RANBP2: variants seen among roughly 807,000 people sequenced by gnomAD.
RANBP2 encodes the protein E3 SUMO-protein ligase RanBP2.
RANBP2 carries 57 observed loss-of-function variants against 303.6 expected under a neutral mutation model. The ratio of observed to expected loss-of-function variants is 0.19; its 90% CI spans 0.15 to 0.23. The LOEUF (loss-of-function observed/expected upper bound fraction) is 0.23, where lower values mean the gene tolerates loss of function less well. Ranked by LOEUF, RANBP2 falls within the 10% of genes least tolerant of loss-of-function variation. The pLI is 1.00. For missense variants in RANBP2, 3,138 were observed against 3,780.8 expected (o/e 0.83, Z 4.46); for synonymous variants, 1,167 against 1,301.5 (o/e 0.90, Z 2.23).
chr2:109,323,793 T>C, the RANBP2 span, among the ~76,000 whole-genome samples: 1 of 152,242 alleles, frequency 6.6e-6, no homozygotes, highest in East Asian at 1.9e-4. Context: ...ATTTTTGTTA[T>C]TTTAGGTCTC....
the RANBP2 span, among the ~76,000 whole-genome samples, chr2:108,793,628 G>A: frequency 1.3e-5 from 2 of 149,368 alleles, no homozygotes; most frequent in Non-Finnish European, 3.0e-5. Flanking sequence ...ATGGAGTCTC[G>A]CTCTGTCGCC....
At chr2:109,195,802 C>T in the RANBP2 span, among the ~76,000 whole-genome samples, 1 of 152,200 alleles carries the variant, frequency 6.6e-6, no homozygotes, top group Non-Finnish European at 1.5e-5. Context: ...AGAATCTCCC[C>T]TCTACTTTTA....
At chr2:108,739,035 A>G (rs1404538282) in intron 6 of RANBP2, among the ~76,000 whole-genome samples, 4 of 152,192 alleles carry the variant, frequency 2.6e-5, no homozygotes, top group African/African-American at 9.7e-5. Context: ...TGTCTCGCTT[A>G]ATAGAACATA....
At chr2:109,066,096 C>A in the RANBP2 span, among the ~76,000 whole-genome samples, 3 of 151,922 alleles carry the variant, frequency 2.0e-5, no homozygotes, top group Non-Finnish European at 4.4e-5. Flanking sequence ...CGCCACCATG[C>A]CCGGCTAATT....
At chr2:109,382,224 G>A in the RANBP2 span, among the ~76,000 whole-genome samples, 1 of 152,154 alleles carries the variant, frequency 6.6e-6, no homozygotes, top group East Asian at 1.9e-4. Flanking sequence ...TACCATGCCA[G>A]CACATAGGTA....
the RANBP2 span, among the ~76,000 whole-genome samples, chr2:109,009,269 G>A: frequency 6.6e-6 from 1 of 152,074 alleles, no homozygotes; most frequent in Non-Finnish European, 1.5e-5. Context: ...CAACCCAGGA[G>A]GCAGAGCTTG....
At chr2:109,218,666 A>G in the RANBP2 span, among the ~76,000 whole-genome samples, 1 of 152,210 alleles carries the variant, frequency 6.6e-6, no homozygotes, top group African/African-American at 2.4e-5. Context: ...CCTGCCGGCC[A>G]GCAGGAGTGA....
the RANBP2 span, chr2:109,449,405 G>A: frequency 3.7e-6 from 6 of 1,613,518 alleles, no homozygotes; most frequent in Non-Finnish European, 5.1e-6. Flanking sequence ...TCAACGGGGA[G>A]GCTGGAGGGG....
the RANBP2 span, among the ~76,000 whole-genome samples, chr2:109,698,990 G>A: frequency 6.6e-6 from 1 of 152,180 alleles, no homozygotes; most frequent in Admixed American, 6.5e-5. Flanking sequence ...ATTTTTGTGG[G>A]TTGGTTGGAG....
At chr2:109,641,579 A>T in the RANBP2 span, among the ~76,000 whole-genome samples, 8 of 152,192 alleles carry the variant, frequency 5.3e-5, no homozygotes, top group South Asian at 2.1e-4. Flanking sequence ...GATGGTTTCC[A>T]GGGGCTAGGA....
the RANBP2 span, among the ~76,000 whole-genome samples, chr2:109,375,710 A>G: frequency 3.3e-5 from 5 of 152,232 alleles, no homozygotes; most frequent in South Asian, 1.0e-3. Flanking sequence ...TCTCTGTGGC[A>G]TGAGTGCCGG....
At chr2:108,805,891 A>G in the RANBP2 span, among the ~76,000 whole-genome samples, 1 of 152,170 alleles carries the variant, frequency 6.6e-6, no homozygotes, top group Non-Finnish European at 1.5e-5. Flanking sequence ...GATTATGTAT[A>G]TATTAGATTG....
rs1695163273 is a variant in RANBP2 at position 108,731,451 on chromosome 2, A to C, written c.382A>C (p.Ser128Arg). Residue 128 changes from serine to arginine, a missense_variant, in exon 4 of 29, where the codon AGT (serine) becomes CGT (arginine). Physicochemically the swap from Ser to Arg is moderately radical, Grantham distance 110. Around this residue, in one of 20 missense-constraint regions of RANBP2, gnomAD observed 306 missense variants for 381.9 expected, o/e 0.80. Coordinates refer to ENST00000283195, the MANE Select transcript of RANBP2 (RefSeq NM_006267.5). Reference sequence around the variant, plus strand: ...AAGAGCAGCCAAACTTTTCCCAGGAAGTCCTGCAATTTATAAACTAAAGGT... The same window carrying C: ...AAGAGCAGCCAAACTTTTCCCAGGACGTCCTGCAATTTATAAACTAAAGGT... ...LERAAKLFPG[S>R]PAIYKLKEQL... 1 of 1,611,448 alleles carries C rather than the reference A, an allele frequency of 6.2e-7. No individual in the cohort carries two copies. The highest frequency in any genetic ancestry group is 8.5e-7 in the Non-Finnish European group (1 of 1,179,576).
At chr2:109,697,867 T>G in the RANBP2 span, among the ~76,000 whole-genome samples, 1 of 150,392 alleles carries the variant, frequency 6.6e-6, no homozygotes, top group Admixed American at 6.6e-5. Context: ...AGTTTTTTTT[T>G]TTTTTTTTTT....
chr2:108,854,094 A>G, the RANBP2 span, among the ~76,000 whole-genome samples: 4 of 133,154 alleles, frequency 3.0e-5, no homozygotes, highest in African/African-American at 1.1e-4. Context: ...AATTTATATT[A>G]TATATATAAT....
the RANBP2 span, among the ~76,000 whole-genome samples, chr2:109,218,429 A>G: frequency 2.6e-5 from 4 of 152,296 alleles, no homozygotes; most frequent in Non-Finnish European, 4.4e-5. Flanking sequence ...GTTATGCTTA[A>G]CAAAACGAGC....
the RANBP2 span, among the ~76,000 whole-genome samples, chr2:109,284,296 A>G: frequency 6.6e-6 from 1 of 152,336 alleles, no homozygotes; most frequent in African/African-American, 2.4e-5. Context: ...AGTAGCCATG[A>G]GTATTACTGA....
chr2:108,733,674 T>G lies in RANBP2; in HGVS notation c.406-1858T>G, dbSNP rs182485334. On this transcript the variant is annotated intron_variant, in intron 4 of 28. Transcript: ENST00000283195. ...TCTCTTAGGTGTTATGCCTCAAACATAACTCCCATATTGGGCGTGGCAATC... is the reference window on the plus strand; with the variant it reads ...TCTCTTAGGTGTTATGCCTCAAACAGAACTCCCATATTGGGCGTGGCAATC... Among the ~76,000 whole-genome samples the G allele has an allele frequency of 5.0e-4, 76 of 152,334 alleles. 2 individuals carry two copies. In the South Asian group the frequency reaches 7.5e-3, roughly 15 times the overall value.
chr2:109,213,459 T>C, the RANBP2 span, among the ~76,000 whole-genome samples: 2 of 152,182 alleles, frequency 1.3e-5, no homozygotes, highest in Non-Finnish European at 2.9e-5. Context: ...CTTCCCCTTA[T>C]ATCTCACTGG....
Sources: allele counts gnomAD v4.1 joint callset (sites outside exome capture counted in the v4.1 genomes callset), GRCh38; gene constraint gnomAD v4.1.1; regional missense constraint gnomAD v4.1.1; transcripts MANE v1.5; gene names NCBI Gene and HGNC (gene_info 2026-07-23, HGNC 2026-07-21).